The following LAMA2 variants were observed in gnomAD, a reference collection of about 807,000 sequenced individuals.
LAMA2 encodes the protein laminin subunit alpha 2.
In LAMA2, 269 loss-of-function variants were observed where a neutral mutation model predicts 364.8. That is an observed-to-expected ratio of 0.74 (90% CI 0.67 to 0.82). The LOEUF (loss-of-function observed/expected upper bound fraction) is 0.82, where lower values mean the gene tolerates loss of function less well. Among genes scored for constraint, LAMA2 ranks in the 40% least tolerant of loss-of-function variants. The pLI, the probability that LAMA2 is intolerant of heterozygous loss-of-function variation, is 0.00. For synonymous variants in LAMA2, 1,379 were observed against 1,370.6 expected, an observed-to-expected ratio of 1.01 and a Z score of -0.14; for missense variants, 3,807 against 3,873.2, an observed-to-expected ratio of 0.98 and a Z score of 0.45.
chr6:128,963,325 TG>T (rs1781645385), intron 1 of LAMA2, among the ~76,000 whole-genome samples: 1 of 152,114 alleles, frequency 6.6e-6, no homozygotes, highest in Admixed American at 6.6e-5. Context: ...AAATACCATA[TG>T]GTTATATTAC....
intron 45 of LAMA2, among the ~76,000 whole-genome samples, chr6:129,446,190 A>G (rs1782362947): frequency 6.6e-6 from 1 of 152,046 alleles, no homozygotes; most frequent in South Asian, 2.1e-4. Flanking sequence ...AAAAAAGGCC[A>G]ACTAATGGGG....
chr6:129,066,294 C>T (rs1789342924), intron 3 of LAMA2, among the ~76,000 whole-genome samples: 1 of 151,612 alleles, frequency 6.6e-6, no homozygotes, highest in East Asian at 1.9e-4. Context: ...ATCCGCCCGC[C>T]TCGGCCTCCC....
intron 4 of LAMA2, among the ~76,000 whole-genome samples, chr6:129,111,202 A>T (rs947662862): frequency 6.6e-6 from 1 of 151,938 alleles, no homozygotes; most frequent in Non-Finnish European, 1.5e-5. Flanking sequence ...TAGCCTGAGG[A>T]TGTGTACTAT....
In LAMA2 at chr6:129,173,277, C is replaced by G. The variant is rs555441291; in HGVS notation, c.1307-4429C>G. ...TACTTTTATCACCATTACATATTGC[C>G]TATTGACTCTCCGTCTTGAAAGGTG... On this transcript the variant is annotated intron_variant, in intron 9 of 64. Transcript: ENST00000421865. Among the ~76,000 whole-genome samples the G allele has an allele frequency of 4.6e-5, 7 of 152,310 alleles. No individual in the cohort carries two copies. In the East Asian group the frequency reaches 1.4e-3, roughly 29 times the overall value.
At position 129,192,854 on chromosome 6, in the gene LAMA2, G is replaced by A. The variant is rs1217170426; in HGVS notation, c.1782+1G>A. ...GCCGGCTCCCTATCTGGGAAACAAA[G>A]TAAGTCCACGCTTGCTTCCCGCTAT... is the stretch of plus-strand genomic sequence containing the variant. On this transcript the variant is annotated splice_donor_variant, in intron 12 of 64. Transcript: ENST00000421865. LOFTEE classifies it high-confidence loss of function. 6.2e-7 allele frequency: 1 copy of A among 1,613,682 alleles called. No homozygotes were observed. Among genetic ancestry groups the A allele is most frequent in the African/African-American group, 1.3e-5 (1 of 75,040 alleles).
chr6:128,883,793 T>TACACAC (rs1412752568), intron 1 of LAMA2, among the ~76,000 whole-genome samples: 14 of 125,786 alleles, frequency 1.1e-4, no homozygotes, highest in African/African-American at 6.0e-4. Flanking sequence ...AAATTATATA[T>TACACAC]ATATATATAC....
chr6:128,887,414 A>G (rs1358296238), intron 1 of LAMA2, among the ~76,000 whole-genome samples: 1 of 152,154 alleles, frequency 6.6e-6, no homozygotes, highest in East Asian at 1.9e-4. Flanking sequence ...TTATATGAAC[A>G]TATTCAACAC....
In LAMA2 at chr6:129,075,723, T is replaced by C. The variant is rs142464965; in HGVS notation, c.396+15827T>C. 1.5e-3 allele frequency among the ~76,000 whole-genome samples: 226 copies of C among 152,174 alleles called. 1 individual carries two copies. Among genetic ancestry groups the C allele is most frequent in the South Asian group, 4.8e-3 (23 of 4,818 alleles). On this transcript the variant is annotated intron_variant, in intron 3 of 64. Coordinates refer to ENST00000421865, the MANE Select transcript of LAMA2 (RefSeq NM_000426.4). ...CTGAAGAAATTTTCCTGAAATAGTA[T>C]GGATTAAAGGAGGAGCAGAATGGAG...
intron 1 of LAMA2, among the ~76,000 whole-genome samples, chr6:128,917,701 TTTTTTTTTC>T (rs1228527895): frequency 5.9e-4 from 50 of 85,178 alleles, no homozygotes; most frequent in African/African-American, 3.0e-3. Context: ...TCCTTTTTCT[TTTTTTTTTC>T]TTTCTTTCTT....
Position 129,260,767 on chromosome 6 carries a change from C to T in LAMA2, c.2153C>T (p.Ala718Val), listed in dbSNP as rs373673505. Residue 718 changes from alanine (A) to valine (V), a missense_variant, in exon 15 of 65, where the codon GCA becomes GTA. Physicochemically the swap from Ala to Val is moderately conservative, Grantham distance 64. Coordinates refer to ENST00000421865, the MANE Select transcript of LAMA2 (RefSeq NM_000426.4). ...AVSYPTDGSI[A>V]AAVEVCQCPP... ...TCCTATCCTACTGATGGAAGCATTG[C>T]AGCAGCTGTAGAAGTGTGTCAGTGC... 1.2e-6 allele frequency: 2 copies of T among 1,612,696 alleles called. No individual in the cohort carries two copies. Among genetic ancestry groups the T allele is most frequent in the Admixed American group, 1.7e-5 (1 of 59,954 alleles).
At chr6:129,288,719 T>C (rs1789469229) in intron 19 of LAMA2, among the ~76,000 whole-genome samples, 1 of 152,222 alleles carries the variant, frequency 6.6e-6, no homozygotes, top group Non-Finnish European at 1.5e-5. Flanking sequence ...CCTTTTTTGC[T>C]GTATTAATAC....
At chr6:128,992,884 C>A (rs934845407) in intron 1 of LAMA2, among the ~76,000 whole-genome samples, 1 of 152,018 alleles carries the variant, frequency 6.6e-6, no homozygotes, top group Non-Finnish European at 1.5e-5. Flanking sequence ...AAAGCTATAA[C>A]TAAAGTTAAG....
intron 23 of LAMA2, among the ~76,000 whole-genome samples, chr6:129,314,398 CA>C (rs3062342): frequency 0.33 from 27,005 of 80,868 alleles, 2,098 homozygotes; most frequent in Middle Eastern, 0.5. Context: ...GACTCCGTCT[CA>C]AAAAAAAAAA....
At position 129,227,041 on chromosome 6, in the gene LAMA2, T is replaced by C. The variant is rs912797591; in HGVS notation, c.1783-23071T>C. On this transcript the variant is annotated intron_variant, in intron 12 of 64. Transcript: ENST00000421865. Reference sequence around the variant, plus strand: ...GGCTTTGTTCGTTTCCTTTTACTCTTTTTTCTCTAAACTTCTCTTCTCACT... The same window carrying C: ...GGCTTTGTTCGTTTCCTTTTACTCTCTTTTCTCTAAACTTCTCTTCTCACT... 2.0e-5 allele frequency among the ~76,000 whole-genome samples: 3 copies of C among 152,182 alleles called. No individual in the cohort carries two copies. In the South Asian group the frequency reaches 6.2e-4, roughly 31 times the overall value.
At chr6:129,035,341 C>T (rs1163086584) in intron 1 of LAMA2, among the ~76,000 whole-genome samples, 2 of 148,142 alleles carry the variant, frequency 1.4e-5, no homozygotes, top group Admixed American at 6.7e-5. Context: ...TTTCCTTTGC[C>T]CACTTTTAAT....
At chr6:128,903,608 C>T (rs975303410) in intron 1 of LAMA2, among the ~76,000 whole-genome samples, 9 of 152,100 alleles carry the variant, frequency 5.9e-5, no homozygotes, top group East Asian at 3.9e-4. Context: ...AATTCTAAAA[C>T]CTTTGTGGAC....
chr6:129,283,883 GT>G (rs1159798495), intron 18 of LAMA2, among the ~76,000 whole-genome samples: 2 of 151,946 alleles, frequency 1.3e-5, no homozygotes, highest in Non-Finnish European at 2.9e-5. Context: ...AGGAGGGGCA[GT>G]TATACCTACC....
At chr6:129,467,394 G>A (rs745774538) in intron 51 of LAMA2, among the ~76,000 whole-genome samples, 9 of 151,766 alleles carry the variant, frequency 5.9e-5, no homozygotes, top group Non-Finnish European at 1.3e-4. Context: ...TTTAAAAATC[G>A]CCTGTTGGGT....
chr6:129,070,394 A>T (rs1320816078), intron 3 of LAMA2, among the ~76,000 whole-genome samples: 1 of 152,176 alleles, frequency 6.6e-6, no homozygotes, highest in East Asian at 1.9e-4. Context: ...TAATTACTGG[A>T]TATTGAAATG....
Sources: gnomAD v4.1 joint callset for allele counts (sites outside exome capture counted in the v4.1 genomes callset) on GRCh38, gnomAD v4.1.1 for gene constraint, MANE v1.5 for transcripts, NCBI Gene and HGNC (gene_info 2026-07-23, HGNC 2026-07-21) for gene names.